Variants in GARNL3 observed in about 807,000 individuals in gnomAD.
GARNL3 encodes GTPase activating Rap/RanGAP domain like 3, also known as GTPase-activating Rap/Ran-GAP domain-like protein 3.
In GARNL3, 63 loss-of-function variants were observed where a neutral mutation model predicts 125.0. The ratio of observed to expected loss-of-function variants is 0.50; its 90% CI spans 0.41 to 0.62. The LOEUF is 0.62. GARNL3 is among the 20% of genes least tolerant of loss of function. The probability of loss-of-function intolerance (pLI) is 0.00; values close to 1 mark genes in which losing one functional copy is unlikely to be tolerated. For synonymous variants in GARNL3, 439 were observed against 457.5 expected, an observed-to-expected ratio of 0.96 and a Z score of 0.52; for missense variants, 994 against 1,244.0, an observed-to-expected ratio of 0.80 and a Z score of 3.02.
intron 17 of GARNL3, among the ~76,000 whole-genome samples, chr9:127,349,674 G>A (rs1830324530): frequency 6.6e-6 from 1 of 152,206 alleles, no homozygotes; most frequent in East Asian, 1.9e-4. Context: ...CTCAAGGACA[G>A]TGTGGTCCCT....
In GARNL3 at chr9:127,384,508, C is replaced by T. The variant is rs1011653477; in HGVS notation, c.2270-519C>T. Among the ~76,000 whole-genome samples, 2 of 152,094 alleles carry T rather than the reference C, an allele frequency of 1.3e-5. No homozygotes were observed. The highest frequency in any genetic ancestry group is 6.5e-5 in the Admixed American group (1 of 15,276). On this transcript the variant is annotated intron_variant, in intron 23 of 27. Transcript: ENST00000373387. This position sits in a 1 kb window ranked among gnomAD's most constrained non-coding sequence, Gnocchi z 4.0. The stretch of plus-strand genomic sequence containing the variant: ...AATAACTCAGCAAACCCCTTGATGC[C>T]GAGGGACACTGCGAGGGCCAGTGAG...
chr9:127,272,699 G>C (rs947301006), intron 1 of GARNL3, among the ~76,000 whole-genome samples: 1 of 152,084 alleles, frequency 6.6e-6, no homozygotes, highest in Non-Finnish European at 1.5e-5. Flanking sequence ...GGATGGTCTT[G>C]ATCTCCTGAC....
rs1013334530 is a variant in GARNL3 at position 127,267,000 on chromosome 9, C to T, written c.144+1979C>T. Among the ~76,000 whole-genome samples, 1 of 152,144 alleles carries T rather than the reference C, an allele frequency of 6.6e-6. No homozygotes were observed. Reference sequence around the variant, plus strand: ...AAAACATAGATTGCTGGGCCCTAGTCCCAGAGTTTCAAATTCAGTAGATCC... The same window carrying T: ...AAAACATAGATTGCTGGGCCCTAGTTCCAGAGTTTCAAATTCAGTAGATCC... On this transcript the variant is annotated intron_variant, in intron 1 of 27. Transcript: ENST00000373387. The surrounding 1 kb of genome is among the most constrained non-coding windows in gnomAD (Gnocchi z 4.0).
At chr9:127,239,040 T>C (rs916444970) in intron 1 of GARNL3, among the ~76,000 whole-genome samples, 6 of 152,172 alleles carry the variant, frequency 3.9e-5, no homozygotes, top group African/African-American at 1.4e-4. Flanking sequence ...CAGTCCCACA[T>C]TTTCCCATCA....
intron 8 of GARNL3, 87 bp downstream of exon 8, chr9:127,332,436 G>C: frequency 9.8e-7 from 1 of 1,021,278 alleles, no homozygotes; most frequent in Non-Finnish European, 1.5e-6. Flanking sequence ...CTTGTCTGTT[G>C]AGTTGGAGTC....
chr9:127,320,398 A>G (rs1241213678), intron 5 of GARNL3, among the ~76,000 whole-genome samples: 1 of 152,222 alleles, frequency 6.6e-6, no homozygotes, highest in Admixed American at 6.5e-5. Flanking sequence ...CCTATGTGGC[A>G]TAGAAATTTC....
At chr9:127,371,773 AT>A (rs1451016707) in intron 22 of GARNL3, among the ~76,000 whole-genome samples, 1 of 152,248 alleles carries the variant, frequency 6.6e-6, no homozygotes, top group Admixed American at 6.5e-5. Flanking sequence ...ATCACATATA[AT>A]TACATAAACA....
At chr9:127,336,313 C>A in intron 11 of GARNL3, 77 bp downstream of exon 11, 2 of 905,818 alleles carry the variant, frequency 2.2e-6, no homozygotes, top group Middle Eastern at 4.4e-4. Flanking sequence ...ACCCTTAAAC[C>A]AAATCTTGTC....
intron 16 of GARNL3, among the ~76,000 whole-genome samples, chr9:127,346,273 T>A (rs1194045318): frequency 6.6e-6 from 1 of 152,170 alleles, no homozygotes; most frequent in Admixed American, 6.5e-5. Context: ...ATGGGACAGA[T>A]TTACAGCACA....
intron 22 of GARNL3, among the ~76,000 whole-genome samples, chr9:127,371,580 GC>G (rs1314565759): frequency 6.6e-6 from 1 of 152,166 alleles, no homozygotes; most frequent in African/African-American, 2.4e-5. Flanking sequence ...TGCCAGCTGT[GC>G]CTTGGTTCAA....
chr9:127,331,720 C>CTTTTTTTTT lies in GARNL3; in HGVS notation c.595-547_595-539dup, dbSNP rs60448026. On this transcript the variant is annotated intron_variant, in intron 7 of 27. Coordinates refer to ENST00000373387, the MANE Select transcript of GARNL3 (RefSeq NM_032293.5). ...CTACTGCTTGCTTGGCTTGGGCTTG[C>CTTTTTTTTT]TTTTTTTTTTTTTTTCACATCTGTT... Among the ~76,000 whole-genome samples, 221 of 74,390 alleles carry CTTTTTTTTT rather than the reference C, an allele frequency of 3.0e-3. 36 individuals are homozygous for CTTTTTTTTT. The East Asian group carries it at 0.084, about 28-fold the overall frequency. The allele number at this position is 74,390 out of a possible 152,430, so 48.8% of individuals were successfully genotyped here.
At chr9:127,282,799 A>C (rs1244902789) in intron 1 of GARNL3, among the ~76,000 whole-genome samples, 1 of 152,238 alleles carries the variant, frequency 6.6e-6, no homozygotes, top group Non-Finnish European at 1.5e-5. Context: ...GCACCAACCC[A>C]GTGAAACAAA....
intron 2 of GARNL3, among the ~76,000 whole-genome samples, chr9:127,299,302 C>T (rs1212334796): frequency 3.5e-5 from 3 of 85,532 alleles, no homozygotes; most frequent in East Asian, 3.1e-4. Context: ...TGCGAGACTC[C>T]GTCTCAAAAA....
chr9:127,359,972 T>G, intron 21 of GARNL3, among the ~76,000 whole-genome samples: 1 of 151,930 alleles, frequency 6.6e-6, no homozygotes, highest in Admixed American at 6.6e-5. Context: ...TCTATGTGCT[T>G]CTTAAAAGAC....
chr9:127,247,615 AC>A (rs1294121341), intron 2 of GARNL3, among the ~76,000 whole-genome samples: 3 of 151,720 alleles, frequency 2.0e-5, no homozygotes, highest in Admixed American at 2.0e-4. Context: ...ATATTTTTTT[AC>A]CTTTTTTTTA....
At chr9:127,363,200 G>T (rs932656276) in intron 21 of GARNL3, 1 of 152,250 alleles carries the variant, frequency 6.6e-6, no homozygotes, top group African/African-American at 2.4e-5. Context: ...CATGATAGGA[G>T]CCATGGGGAT....
At chr9:127,355,243 G>A in intron 19 of GARNL3, 54 bp from the exon 20 acceptor site, 1 of 1,504,692 alleles carries the variant, frequency 6.6e-7, no homozygotes, top group Non-Finnish European at 9.2e-7. Context: ...TCAAGGTCTG[G>A]GGGCTTCCAC....
At chr9:127,310,518 A>C (rs1216667197) in intron 2 of GARNL3, among the ~76,000 whole-genome samples, 2 of 152,218 alleles carry the variant, frequency 1.3e-5, no homozygotes, top group African/African-American at 4.8e-5. Context: ...GTAGTGGCTC[A>C]CACCTGTAAT....
At chr9:127,348,824 G>T in intron 16 of GARNL3, 100 bp from the exon 17 acceptor site, 1 of 732,454 alleles carries the variant, frequency 1.4e-6, no homozygotes, top group South Asian at 1.9e-5. Flanking sequence ...GGGGGTATCT[G>T]TGTTACTGTT....
Sources: gnomAD v4.1 joint callset for allele counts (sites outside exome capture counted in the v4.1 genomes callset) on GRCh38, gnomAD v4.1.1 for gene constraint, Gnocchi (gnomAD v3.1) non-coding constraint, MANE v1.5 for transcripts, NCBI Gene and HGNC (gene_info 2026-07-23, HGNC 2026-07-21) for gene names.